The following ARMCX1 variants were observed in gnomAD, a reference collection of about 807,000 sequenced individuals.
ARMCX1 encodes the protein armadillo repeat containing X-linked 1.
Under a neutral mutation model 15.4 loss-of-function variants are expected in ARMCX1, and 4 were observed. The observed-to-expected ratio is 0.26, with a 90% CI of 0.13 to 0.59. The LOEUF is 0.59. Ranked by LOEUF, ARMCX1 falls within the 20% of genes least tolerant of loss-of-function variation. The pLI, the probability that ARMCX1 is intolerant of heterozygous loss-of-function variation, is 0.89. For synonymous variants in ARMCX1, 144 were observed against 130.5 expected, an observed-to-expected ratio of 1.10 and a Z score of -0.71; for missense variants, 273 against 337.1, an observed-to-expected ratio of 0.81 and a Z score of 1.49.
intron 3 of ARMCX1, among the ~76,000 whole-genome samples, chrX:101,551,878 GT>G (rs1319043478): frequency 2.8e-5 from 3 of 108,672 alleles, no homozygotes; most frequent in Admixed American, 2.0e-4. Context: ...GGGGTACAGG[GT>G]CCTTGGTGTT....
Position 101,553,484 on chromosome X carries a change from G to A in ARMCX1, c.554G>A (p.Trp185Ter). 1 of 1,210,700 alleles carries A rather than the reference G, an allele frequency of 8.3e-7. No homozygotes were observed. The highest frequency in any genetic ancestry group is 1.1e-6 in the Non-Finnish European group (1 of 895,038). The change falls in exon 4 of 4, where the codon TGG (tryptophan) becomes TAG (stop). Residue 185 changes from tryptophan to a stop codon, truncating the protein, a stop_gained. Transcript: ENST00000372829. LOFTEE classifies it high-confidence loss of function. ...AGCACCAGGGCTCCAGCTACAACAT[G>A]GCCTGTCCGGAGAGGCAAGTTCAAC... ...SKSTRAPATT[W>*]PVRRGKFNFP...
At position 101,552,847 on chromosome X, in the gene ARMCX1, C is replaced by G; in HGVS notation, c.-84C>G. On this transcript the variant is annotated 5_prime_UTR_variant, in exon 4 of 4. Transcript: ENST00000372829. ...AGAGCCGGCCCGCAGTAGCTGCAGA[C>G]TCCGCCCGCGACGTGTGCGCGCTTC... The G allele has an allele frequency of 9.1e-7, 1 of 1,093,070 alleles. No individual in the cohort carries two copies. The highest frequency in any genetic ancestry group is 1.2e-6 in the Non-Finnish European group (1 of 820,076). 90.1% of individuals were successfully genotyped at this position (1,093,070 alleles called of 1,213,427 possible).
In ARMCX1 at chrX:101,553,526, A is replaced by G; in HGVS notation, c.596A>G (p.Asp199Gly). 1.7e-6 allele frequency: 2 copies of G among 1,211,597 alleles called. No homozygotes were observed. The highest frequency in any genetic ancestry group is 2.2e-6 in the Non-Finnish European group (2 of 895,428). ...RGKFNFPYKI[D>G]DILSAPDLQK... ...AAGTTCAACTTTCCTTATAAAATTGATGATATTCTGAGTGCTCCCGACCTC... is the reference window on the plus strand; with the variant it reads ...AAGTTCAACTTTCCTTATAAAATTGGTGATATTCTGAGTGCTCCCGACCTC... The change falls in exon 4 of 4, where the codon GAT becomes GGT. Residue 199 changes from aspartate (D) to glycine (G), a missense_variant. By Grantham distance (94) the Asp-to-Gly change is moderately conservative. Coordinates refer to ENST00000372829, the MANE Select transcript of ARMCX1 (RefSeq NM_016608.2).
At position 101,552,944 on chromosome X, in the gene ARMCX1, G is replaced by A. The variant is rs782772366; in HGVS notation, c.14G>A (p.Arg5Gln). The A allele has an allele frequency of 8.3e-6, 10 of 1,210,081 alleles. No individual in the cohort carries two copies. Among genetic ancestry groups the A allele is most frequent in the Non-Finnish European group, 1.1e-5 (10 of 894,628 alleles). MGRT[R>Q]EAGCVAAGVV... ...CCCAGCTATACCATGGGCCGCACTC[G>A]GGAAGCTGGCTGCGTGGCCGCTGGT... is the stretch of plus-strand genomic sequence containing the variant. The change falls in exon 4 of 4, where the codon CGG becomes CAG. Residue 5 changes from arginine (R) to glutamine (Q), a missense_variant. Transcript: ENST00000372829.
In ARMCX1 at chrX:101,553,230, C is replaced by T. The variant is rs782077031; in HGVS notation, c.300C>T (p.Ser100=). The change falls in exon 4 of 4, where the codon AGC becomes AGT. Residue 100 remains serine, a synonymous_variant. Transcript: ENST00000372829. The stretch of plus-strand genomic sequence containing the variant: ...AGAAGGCCCATTCAGGATCCCACAG[C>T]GGAGGTGGCCTAGAGGCCAAGGCCA... The part of the protein sequence containing the change: ...VKEKAHSGSH[S]GGGLEAKAKA... The T allele has an allele frequency of 1.0e-3, 1,255 of 1,210,530 alleles. 9 individuals are homozygous for T. In the South Asian group the frequency reaches 0.021, roughly 20 times the overall value.
At position 101,553,325 on chromosome X, in the gene ARMCX1, T is replaced by C. The variant is rs1556027357; in HGVS notation, c.395T>C (p.Ile132Thr). Residue 132 changes from isoleucine (I) to threonine (T), a missense_variant, in exon 4 of 4, where the codon ATC becomes ACC. By Grantham distance (89) the Ile-to-Thr change is moderately conservative (BLOSUM62 -1). This residue lies in a region of ARMCX1 where 147 missense variants were observed against 143.5 expected (regional missense o/e 1.02). Transcript: ENST00000372829. ...KAGKGARVGT[I>T]SGNRTLAPSL... is the part of the protein sequence containing the mutation. Reference sequence around the variant, plus strand: ...GGCAAAGGGGCTAGGGTGGGTACCATCTCTGGGAACAGGACCCTTGCACCG... The same window carrying C: ...GGCAAAGGGGCTAGGGTGGGTACCACCTCTGGGAACAGGACCCTTGCACCG... 9.1e-6 allele frequency: 11 copies of C among 1,205,226 alleles called. No individual in the cohort carries two copies. The highest frequency in any genetic ancestry group is 1.1e-5 in the Non-Finnish European group (10 of 892,868).
chrX:101,553,515 T>C lies in ARMCX1; in HGVS notation c.585T>C (p.Pro195=), dbSNP rs1935405736. ...TCCGGAGAGGCAAGTTCAACTTTCC[T>C]TATAAAATTGATGATATTCTGAGTG... The part of the protein sequence containing the change: ...WPVRRGKFNF[P]YKIDDILSAP... The change falls in exon 4 of 4, where the codon CCT becomes CCC. Residue 195 remains proline, a synonymous_variant. Transcript: ENST00000372829. 1.7e-6 allele frequency: 2 copies of C among 1,209,470 alleles called. No homozygotes were observed. The highest frequency in any genetic ancestry group is 2.2e-6 in the Non-Finnish European group (2 of 894,974).
rs781821503 is a variant in ARMCX1, at chrX:101,554,331, T to C, written c.*39T>C. 6.3e-6 allele frequency: 7 copies of C among 1,116,022 alleles called. No homozygotes were observed. The highest frequency in any genetic ancestry group is 1.8e-5 in the African/African-American group (1 of 54,140). 92.0% of individuals were successfully genotyped at this position (1,116,022 alleles called of 1,213,427 possible). On this transcript the variant is annotated 3_prime_UTR_variant, in exon 4 of 4. Transcript: ENST00000372829. Reference sequence around the variant, plus strand: ...CCAAACAATATTGAGATATTTGCAGTTGGTACGATGTGATTTGTAAATTCT... The same window carrying C: ...CCAAACAATATTGAGATATTTGCAGCTGGTACGATGTGATTTGTAAATTCT...
chrX:101,550,731 G>A (rs1556026777), intron 1 of ARMCX1, 71 bp downstream of exon 1: 1 of 111,849 alleles, frequency 8.9e-6, no homozygotes, highest in African/African-American at 3.3e-5. Flanking sequence ...GCCGAAGGGG[G>A]AGCACAGTTC....
At chrX:101,552,382 C>T (rs1244441044) in intron 3 of ARMCX1, among the ~76,000 whole-genome samples, 4 of 111,147 alleles carry the variant, frequency 3.6e-5, no homozygotes, top group Admixed American at 9.5e-5. Flanking sequence ...TGCCCCGTCC[C>T]GGGTGAGATC....
chrX:101,554,455 A>G lies in ARMCX1; in HGVS notation c.*163A>G. 1.9e-6 allele frequency: 1 copy of G among 516,235 alleles called. No homozygotes were observed. The highest frequency in any genetic ancestry group is 3.0e-6 in the Non-Finnish European group (1 of 332,187). The allele number at this position is 516,235 out of a possible 1,213,427, so 42.5% of individuals were successfully genotyped here. ...ATAACAGTGACTGATGTTGGTTGTA[A>G]TGGTTGGGTTTAGGATGAACCATTT... On this transcript the variant is annotated 3_prime_UTR_variant, in exon 4 of 4. Transcript: ENST00000372829.
Position 101,553,448 on chromosome X carries a change from C to T in ARMCX1, c.518C>T (p.Ala173Val). 1 of 1,204,666 alleles carries T rather than the reference C, an allele frequency of 8.3e-7. No homozygotes were observed. Among genetic ancestry groups the T allele is most frequent in the South Asian group, 1.8e-5 (1 of 55,476 alleles). The change falls in exon 4 of 4, where the codon GCC becomes GTC. Residue 173 changes from alanine (A) to valine (V), a missense_variant. Around this residue, in one of 2 missense-constraint regions of ARMCX1, gnomAD observed 147 missense variants for 143.5 expected, o/e 1.02. Coordinates refer to ENST00000372829, the MANE Select transcript of ARMCX1 (RefSeq NM_016608.2). Reference protein sequence around the residue: ...GRASGKSKGKARSKSTRAPAT... With the variant: ...GRASGKSKGKVRSKSTRAPAT... ...GCAAGTGGAAAATCCAAGGGAAAGG[C>T]CCGAAGTAAGAGCACCAGGGCTCCA...
rs1282086203 is a variant in ARMCX1, at chrX:101,553,799, A to G, written c.869A>G (p.Gln290Arg). 8.3e-7 allele frequency: 1 copy of G among 1,210,190 alleles called. No individual in the cohort carries two copies. Among genetic ancestry groups the G allele is most frequent in the Non-Finnish European group, 1.1e-6 (1 of 895,290 alleles). The change falls in exon 4 of 4, where the codon CAA becomes CGA. Residue 290 changes from glutamine (Q) to arginine (R), a missense_variant. Around this residue, in one of 2 missense-constraint regions of ARMCX1, gnomAD observed 126 missense variants for 193.6 expected, o/e 0.65. Coordinates refer to ENST00000372829, the MANE Select transcript of ARMCX1 (RefSeq NM_016608.2). The part of the protein sequence containing the change: ...NQGKIKTYIS[Q>R]VCDDTMVCRL... ...GGCAAGATTAAGACGTACATCAGTC[A>G]AGTGTGTGATGACACCATGGTCTGT...
chrX:101,552,996 C>T lies in ARMCX1; in HGVS notation c.66C>T (p.Tyr22=). The part of the protein sequence containing the change: ...AGVVIGAGAC[Y]CVYRLAWGRD... ...TGGTTATCGGGGCTGGTGCCTGCTA[C>T]TGTGTATACAGACTGGCTTGGGGAA... The change falls in exon 4 of 4, where the codon TAC becomes TAT. Residue 22 remains tyrosine (Y), a synonymous_variant. Coordinates refer to ENST00000372829, the MANE Select transcript of ARMCX1 (RefSeq NM_016608.2). The T allele has an allele frequency of 2.5e-6, 3 of 1,211,908 alleles. No individual in the cohort carries two copies. The highest frequency in any genetic ancestry group is 1.7e-5 in the African/African-American group (1 of 57,822).
At position 101,554,139 on chromosome X, in the gene ARMCX1, A is replaced by G. The variant is rs1448252643; in HGVS notation, c.1209A>G (p.Glu403=). ...FENINDNIKN[E]GLASSRKEFS... ...ATATAAATGACAACATAAAAAATGA[A>G]GGGCTCGCATCATCCAGGAAAGAAT... The change falls in exon 4 of 4, where the codon GAA becomes GAG. Residue 403 remains glutamate (E), a synonymous_variant. Coordinates refer to ENST00000372829, the MANE Select transcript of ARMCX1 (RefSeq NM_016608.2). 2.5e-6 allele frequency: 3 copies of G among 1,208,792 alleles called. No homozygotes were observed. Among genetic ancestry groups the G allele is most frequent in the Non-Finnish European group, 3.4e-6 (3 of 894,780 alleles).
rs1410392902 is a variant in ARMCX1, at chrX:101,553,918, C to T, written c.988C>T (p.Pro330Ser). 18 of 1,209,728 alleles carry T rather than the reference C, an allele frequency of 1.5e-5. No individual in the cohort carries two copies. Among genetic ancestry groups the T allele is most frequent in the Non-Finnish European group, 2.0e-5 (18 of 895,133 alleles). Residue 330 changes from proline (P) to serine (S), a missense_variant, in exon 4 of 4, where the codon CCA becomes TCA. Transcript: ENST00000372829. Reference protein sequence around the residue: ...HYQHLLSYSFPDFFALLFLGN... With the variant: ...HYQHLLSYSFSDFFALLFLGN... ...CCAACATTTGCTTTCCTATTCTTTT[C>T]CAGACTTTTTTGCTTTGTTATTCCT...
Position 101,553,168 on chromosome X carries a change from G to T in ARMCX1, c.238G>T (p.Val80Leu). Residue 80 changes from valine to leucine, a missense_variant, in exon 4 of 4, where the codon GTG becomes TTG. Transcript: ENST00000372829. ...GGGTGATTCAGAGGTCAAGCCTGAG[G>T]TGAGTTTGGGACTCGAGGATTGTCC... ...LQGDSEVKPEVSLGLEDCPGV... is the reference protein window; with the variant it reads ...LQGDSEVKPELSLGLEDCPGV... 8.3e-7 allele frequency: 1 copy of T among 1,212,105 alleles called. No homozygotes were observed. Among genetic ancestry groups the T allele is most frequent in the Non-Finnish European group, 1.1e-6 (1 of 895,590 alleles).
chrX:101,552,829 G>A lies in ARMCX1; in HGVS notation c.-102G>A. The A allele has an allele frequency of 1.0e-6, 1 of 989,070 alleles. No individual in the cohort carries two copies. The allele number at this position is 989,070 out of a possible 1,213,427, so 81.5% of individuals were successfully genotyped here. The stretch of plus-strand genomic sequence containing the variant: ...CCTAGGTCGAGCTGCCTCAGAGCCG[G>A]CCCGCAGTAGCTGCAGACTCCGCCC... On this transcript the variant is annotated 5_prime_UTR_variant, in exon 4 of 4. Transcript: ENST00000372829.
rs1287219528 is a variant in ARMCX1 at position 101,554,145 on chromosome X, C to T, written c.1215C>T (p.Leu405=). Reference sequence around the variant, plus strand: ...ATGACAACATAAAAAATGAAGGGCTCGCATCATCCAGGAAAGAATTCAGCA... The same window carrying T: ...ATGACAACATAAAAAATGAAGGGCTTGCATCATCCAGGAAAGAATTCAGCA... ...NINDNIKNEG[L]ASSRKEFSRS... The change falls in exon 4 of 4, where the codon CTC becomes CTT. Residue 405 remains leucine (L), a synonymous_variant. Coordinates refer to ENST00000372829, the MANE Select transcript of ARMCX1 (RefSeq NM_016608.2). 6 of 1,208,996 alleles carry T rather than the reference C, an allele frequency of 5.0e-6. No individual in the cohort carries two copies. In the African/African-American group the frequency reaches 7.0e-5, roughly 14 times the overall value.
Sources: gnomAD v4.1 joint callset for allele counts (sites outside exome capture counted in the v4.1 genomes callset) on GRCh38, gnomAD v4.1.1 for gene constraint, gnomAD v4.1.1 regional missense constraint, MANE v1.5 for transcripts, NCBI Gene and HGNC (gene_info 2026-07-23, HGNC 2026-07-21) for gene names.